MUC17: variants seen among roughly 807,000 people sequenced by gnomAD.
MUC17 encodes mucin 17, cell surface associated.
In MUC17, 190 loss-of-function variants were observed where a neutral mutation model predicts 170.3. The ratio of observed to expected loss-of-function variants is 1.12; its 90% CI spans 0.99 to 1.26. The LOEUF is 1.26. Ranked by LOEUF, MUC17 falls within the 50% of genes most tolerant of loss-of-function variation. The pLI, the probability that MUC17 is intolerant of heterozygous loss-of-function variation, is 0.00. For missense variants in MUC17, 6,415 were observed against 5,530.0 expected (o/e 1.16, Z -5.08); for synonymous variants, 2,325 against 2,002.5 (o/e 1.16, Z -4.30).
chr7:101,033,564 C>G lies in MUC17; in HGVS notation c.2148C>G (p.Ser716Arg), dbSNP rs746512921. 7 of 1,614,012 alleles carry G rather than the reference C, an allele frequency of 4.3e-6. No homozygotes were observed. Among genetic ancestry groups the G allele is most frequent in the Admixed American group, 3.3e-5 (2 of 60,010 alleles). Residue 716 changes from serine to arginine, a missense_variant, in exon 3 of 13, where the codon AGC becomes AGG. Transcript: ENST00000306151. The stretch of plus-strand genomic sequence containing the variant: ...TTTCAACAACTCCTGTTGACACCAG[C>G]ACACCTGTGACCACTTCAACTGAAG... ...STLSTTPVDT[S>R]TPVTTSTEAS... is the part of the protein sequence containing the mutation.
chr7:101,020,285 C>A, intron 1 of MUC17, 68 bp downstream of exon 1: 13 of 1,404,642 alleles, frequency 9.3e-6, no homozygotes, highest in South Asian at 1.3e-5. Context: ...TCTGTCTGCC[C>A]ATCCCCGAGG....
rs1334330054 is a variant in MUC17 at position 101,040,907 on chromosome 7, C to T, written c.9491C>T (p.Thr3164Ile). ...MPTSTPSEGS[T>I]PLTYMPVSTM... The stretch of plus-strand genomic sequence containing the variant: ...ACCTCAACTCCTAGTGAAGGAAGTA[C>T]TCCATTAACATATATGCCTGTCAGC... Residue 3164 changes from threonine (T) to isoleucine (I), a missense_variant, in exon 3 of 13, where the codon ACT becomes ATT. Thr to Ile is a moderately conservative substitution (Grantham distance 89). Coordinates refer to ENST00000306151, the MANE Select transcript of MUC17 (RefSeq NM_001040105.2). 3 of 1,613,700 alleles carry T rather than the reference C, an allele frequency of 1.9e-6. No individual in the cohort carries two copies. The highest frequency in any genetic ancestry group is 2.5e-6 in the Non-Finnish European group (3 of 1,179,932).
rs1429064196 is a variant in MUC17 at position 101,034,431 on chromosome 7, A to C, written c.3015A>C (p.Thr1005=). ...ATTCTGAGGCTAGCACCCTTTCAAC[A>C]ACTCCTGTTGACTCCAACACTCCTT... is the stretch of plus-strand genomic sequence containing the variant. ...VANSEASTLS[T]TPVDSNTPLT... Residue 1005 remains threonine (T), a synonymous_variant, in exon 3 of 13, where the codon ACA becomes ACC. Transcript: ENST00000306151. 6.2e-7 allele frequency: 1 copy of C among 1,607,600 alleles called. No homozygotes were observed. Among genetic ancestry groups the C allele is most frequent in the Non-Finnish European group, 8.5e-7 (1 of 1,176,784 alleles).
intron 1 of MUC17, among the ~76,000 whole-genome samples, chr7:101,022,807 C>T (rs1182648084): frequency 6.6e-6 from 1 of 151,886 alleles, no homozygotes; most frequent in Non-Finnish European, 1.5e-5. Flanking sequence ...CAGAGTGAGA[C>T]CCTGTCTCTA....
chr7:101,040,287 AC>A lies in MUC17; in HGVS notation c.8873del (p.Pro2958LeufsTer32). 2 of 1,609,698 alleles carry A rather than the reference AC, an allele frequency of 1.2e-6. No individual in the cohort carries two copies. Among genetic ancestry groups the A allele is most frequent in the Admixed American group, 3.4e-5 (2 of 59,362 alleles). ...LSTTPVDTRTPVTTSAEASSS... is the reference protein window; with the variant it reads ...LSTTPVDTRTXVTTSAEASSS... Reference sequence around the variant, plus strand: ...CAACAACTCCTGTTGACACCAGGACACCTGTCACCACTTCTGCTGAAGCTAG... The same window carrying A: ...CAACAACTCCTGTTGACACCAGGACACTGTCACCACTTCTGCTGAAGCTAG... On this transcript the variant is annotated frameshift_variant, in exon 3 of 13. Coordinates refer to ENST00000306151, the MANE Select transcript of MUC17 (RefSeq NM_001040105.2). LOFTEE classifies it high-confidence loss of function.
At chr7:101,056,946 A>G (rs1418961725) in intron 12 of MUC17, among the ~76,000 whole-genome samples, 1 of 151,762 alleles carries the variant, frequency 6.6e-6, no homozygotes, top group Non-Finnish European at 1.5e-5. Flanking sequence ...ATTTTTTAAC[A>G]TATTGCTTTT....
At chr7:101,047,281 CTG>C (rs978915989) in intron 3 of MUC17, among the ~76,000 whole-genome samples, 39 of 152,054 alleles carry the variant, frequency 2.6e-4, no homozygotes, top group African/African-American at 9.4e-4. Flanking sequence ...GGAATCTAGA[CTG>C]TTCAAGTTCA....
At position 101,043,593 on chromosome 7, in the gene MUC17, T is replaced by C; in HGVS notation, c.12177T>C (p.Ser4059=). Residue 4059 remains serine (S), a synonymous_variant, in exon 3 of 13, where the codon TCT becomes TCC. Transcript: ENST00000306151. The part of the protein sequence containing the change: ...SESSRPSTIT[S]HTIPPTFPPA... ...CCAGCAGGCCGTCAACAATTACTTC[T>C]CACACCATCCCACCTACATTTCCTC... is the stretch of plus-strand genomic sequence containing the variant. 1 of 1,614,094 alleles carries C rather than the reference T, an allele frequency of 6.2e-7. No individual in the cohort carries two copies. The highest frequency in any genetic ancestry group is 8.5e-7 in the Non-Finnish European group (1 of 1,180,004).
At position 101,035,176 on chromosome 7, in the gene MUC17, G is replaced by C. The variant is rs753125708; in HGVS notation, c.3760G>C (p.Ala1254Pro). ...CACCAGCACACCTGTGACCACTTCT[G>C]CTGAAACCAGTTCCTCTCCTACAAC... ...VDTSTPVTTS[A>P]ETSSSPTTAE... The change falls in exon 3 of 13, where the codon GCT becomes CCT. Residue 1254 changes from alanine to proline, a missense_variant. Coordinates refer to ENST00000306151, the MANE Select transcript of MUC17 (RefSeq NM_001040105.2). The C allele has an allele frequency of 6.8e-6, 11 of 1,607,060 alleles. No individual in the cohort carries two copies. In the South Asian group the frequency reaches 1.2e-4, roughly 18 times the overall value.
intron 1 of MUC17, among the ~76,000 whole-genome samples, chr7:101,023,678 T>A (rs1322054319): frequency 6.6e-6 from 1 of 152,188 alleles, no homozygotes; most frequent in Non-Finnish European, 1.5e-5. Flanking sequence ...AGTGTGGGGA[T>A]TACAGGCATG....
Position 101,037,496 on chromosome 7 carries a change from C to G in MUC17, c.6080C>G (p.Thr2027Arg), listed in dbSNP as rs1193490864. ...TTSTEGSSSP[T>R]TAGGTSIQTS... ...TCTACTGAAGGCAGTTCATCTCCTA[C>G]AACTGCAGGAGGTACCAGCATACAA... Residue 2027 changes from threonine to arginine, a missense_variant, in exon 3 of 13, where the codon ACA (threonine) becomes AGA (arginine). Coordinates refer to ENST00000306151, the MANE Select transcript of MUC17 (RefSeq NM_001040105.2). The G allele has an allele frequency of 6.2e-7, 1 of 1,613,198 alleles. No homozygotes were observed. The highest frequency in any genetic ancestry group is 1.7e-5 in the Admixed American group (1 of 59,958).
In MUC17 at chr7:101,040,528, A is replaced by G. The variant is rs780626969; in HGVS notation, c.9112A>G (p.Ile3038Val). 2 of 1,610,880 alleles carry G rather than the reference A, an allele frequency of 1.2e-6. No homozygotes were observed. The highest frequency in any genetic ancestry group is 1.7e-6 in the Non-Finnish European group (2 of 1,179,014). The part of the protein sequence containing the change: ...PTTAEGTGIP[I>V]STPSEGSTPL... ...AACTGCTGAAGGTACCGGCATACCAATCTCAACTCCTAGTGAAGGAAGTAC... is the reference window on the plus strand; with the variant it reads ...AACTGCTGAAGGTACCGGCATACCAGTCTCAACTCCTAGTGAAGGAAGTAC... The change falls in exon 3 of 13, where the codon ATC (isoleucine) becomes GTC (valine). Residue 3038 changes from isoleucine to valine, a missense_variant. Physicochemically the swap from Ile to Val is conservative, Grantham distance 29 (BLOSUM62 3). Coordinates refer to ENST00000306151, the MANE Select transcript of MUC17 (RefSeq NM_001040105.2).
chr7:101,027,997 T>C (rs911834500), intron 1 of MUC17, among the ~76,000 whole-genome samples: 1 of 152,052 alleles, frequency 6.6e-6, no homozygotes, highest in African/African-American at 2.4e-5. Flanking sequence ...GGTCTCGAAC[T>C]CCTGGGCTCA....
In MUC17 at chr7:101,041,293, G is replaced by A. The variant is rs1373529557; in HGVS notation, c.9877G>A (p.Val3293Met). Residue 3293 changes from valine (V) to methionine (M), a missense_variant, in exon 3 of 13, where the codon GTG becomes ATG. Val to Met is a conservative substitution (Grantham distance 21). Transcript: ENST00000306151. ...AAGTATGCCTGTCAGCACCACAACG[G>A]TGGCCAGTTCTGAAACGAGCACCCT... is the stretch of plus-strand genomic sequence containing the variant. ...LTSMPVSTTT[V>M]ASSETSTLST... The A allele has an allele frequency of 6.2e-6, 10 of 1,610,830 alleles. No individual in the cohort carries two copies. In the South Asian group the frequency reaches 1.1e-4, roughly 18 times the overall value.
intron 9 of MUC17, among the ~76,000 whole-genome samples, 155 bp downstream of exon 9, chr7:101,052,117 G>T (rs1794959714): frequency 6.6e-6 from 1 of 152,198 alleles, no homozygotes; most frequent in African/African-American, 2.4e-5. Context: ...ATTGGGTTGG[G>T]GATAAGGGAA....
rs145324862 is a variant in MUC17, at chr7:101,033,449, T to A, written c.2033T>A (p.Met678Lys). The A allele has an allele frequency of 7.8e-5, 126 of 1,613,418 alleles. No individual in the cohort carries two copies. The highest frequency in any genetic ancestry group is 1.1e-4 in the Non-Finnish European group (124 of 1,179,754). Residue 678 changes from methionine (M) to lysine (K), a missense_variant, in exon 3 of 13, where the codon ATG becomes AAG. Coordinates refer to ENST00000306151, the MANE Select transcript of MUC17 (RefSeq NM_001040105.2). ...SSSTTAEGTS[M>K]PTSTYTEGST... ...TCTACAACTGCGGAAGGTACCAGCA[T>A]GCCAACCTCAACTTATACTGAAGGA...
Position 101,034,195 on chromosome 7 carries a change from A to T in MUC17, c.2779A>T (p.Thr927Ser), listed in dbSNP as rs1443218316. ...STPGEGSTPLTSMPDSTTPVV... is the reference protein window; with the variant it reads ...STPGEGSTPLSSMPDSTTPVV... ...TCCTGGGGAAGGAAGCACTCCATTA[A>T]CAAGTATGCCTGACAGCACCACGCC... The change falls in exon 3 of 13, where the codon ACA becomes TCA. Residue 927 changes from threonine (T) to serine (S), a missense_variant. Transcript: ENST00000306151. The T allele has an allele frequency of 6.3e-7, 1 of 1,586,652 alleles. No individual in the cohort carries two copies. Among genetic ancestry groups the T allele is most frequent in the East Asian group, 2.4e-5 (1 of 42,258 alleles).
chr7:101,047,171 A>T (rs1369321560), intron 3 of MUC17, among the ~76,000 whole-genome samples: 1 of 151,994 alleles, frequency 6.6e-6, no homozygotes, highest in African/African-American at 2.4e-5. Flanking sequence ...CCAGTAAATT[A>T]AAAAAGAATC....
Position 101,042,607 on chromosome 7 carries a change from G to C in MUC17, c.11191G>C (p.Ala3731Pro). The C allele has an allele frequency of 6.2e-7, 1 of 1,614,102 alleles. No homozygotes were observed. The highest frequency in any genetic ancestry group is 1.1e-5 in the South Asian group (1 of 91,086). ...TSTPVTTSTE[A>P]ISSSATLDST... ...CACACCTGTGACCACTTCTACTGAA[G>C]CCATTTCATCTTCTGCAACTCTTGA... The change falls in exon 3 of 13, where the codon GCC becomes CCC. Residue 3731 changes from alanine to proline, a missense_variant. Ala to Pro is a conservative substitution (Grantham distance 27). Coordinates refer to ENST00000306151, the MANE Select transcript of MUC17 (RefSeq NM_001040105.2).
Sources: allele counts gnomAD v4.1 joint callset (sites outside exome capture counted in the v4.1 genomes callset), GRCh38; gene constraint gnomAD v4.1.1; transcripts MANE v1.5; gene names NCBI Gene and HGNC (gene_info 2026-07-23, HGNC 2026-07-21).